Variants in SNTG2 observed in about 807,000 individuals in gnomAD.
The protein encoded by SNTG2 is syntrophin gamma 2.
SNTG2 carries 74 observed loss-of-function variants against 70.9 expected under a neutral mutation model. The ratio of observed to expected loss-of-function variants is 1.04; its 90% confidence interval spans 0.86 to 1.27. SNTG2 has a LOEUF of 1.27. Among genes scored for constraint, SNTG2 ranks in the 50% most tolerant of loss-of-function variants. The pLI is 0.00. For missense variants in SNTG2, 717 were observed against 690.7 expected, an observed-to-expected ratio of 1.04 and a Z score of -0.43; for synonymous variants, 278 against 273.8, an observed-to-expected ratio of 1.02 and a Z score of -0.15.
chr2:1,347,866 T>C (rs1318093944), intron 16 of SNTG2, among the ~76,000 whole-genome samples: 1 of 152,236 alleles, frequency 6.6e-6, no homozygotes, highest in East Asian at 1.9e-4. Context: ...TCACCCATCA[T>C]CTTCATGTTC....
At chr2:1,197,412 CAA>C (rs1672975052) in intron 8 of SNTG2, among the ~76,000 whole-genome samples, 1 of 149,116 alleles carries the variant, frequency 6.7e-6, no homozygotes. Flanking sequence ...ATCAATTCAT[CAA>C]AAGTCTATAA....
intron 1 of SNTG2, among the ~76,000 whole-genome samples, chr2:1,080,826 G>C (rs1487638446): frequency 6.6e-6 from 1 of 152,172 alleles, no homozygotes; most frequent in African/African-American, 2.4e-5. Flanking sequence ...GGTGGCATGA[G>C]AAAGGTCTGG....
Position 1,209,100 on chromosome 2 carries a change from CA to C in SNTG2, c.592-2del. 6.2e-7 allele frequency: 1 copy of C among 1,613,894 alleles called. No homozygotes were observed. Among genetic ancestry groups the C allele is most frequent in the Non-Finnish European group, 8.5e-7 (1 of 1,179,886 alleles). On this transcript the variant is annotated splice_acceptor_variant, in intron 8 of 16. Coordinates refer to ENST00000308624, the MANE Select transcript of SNTG2 (RefSeq NM_018968.4). LOFTEE classifies it high-confidence loss of function. ...ACGCTTCATTCTCCTTTCTTCTGTACAGGCCCCATCGTCACCTTCCTCGCCC... is the reference window on the plus strand; with the variant it reads ...ACGCTTCATTCTCCTTTCTTCTGTACGGCCCCATCGTCACCTTCCTCGCCC...
intron 15 of SNTG2, among the ~76,000 whole-genome samples, chr2:1,309,284 A>G (rs1418354189): frequency 6.6e-6 from 1 of 152,214 alleles, no homozygotes; most frequent in Non-Finnish European, 1.5e-5. Flanking sequence ...TCTCATGGTC[A>G]TTTCCTAACT....
chr2:1,320,054 G>GAAACACTTTCT (rs1397444129), intron 16 of SNTG2, among the ~76,000 whole-genome samples: 3 of 152,202 alleles, frequency 2.0e-5, no homozygotes, highest in Non-Finnish European at 4.4e-5. Context: ...CTAGTGAAAT[G>GAAACACTTTCT]AGTGGTAACC....
chr2:1,358,987 A>G (rs937939807), intron 16 of SNTG2, among the ~76,000 whole-genome samples: 4 of 152,006 alleles, frequency 2.6e-5, no homozygotes, highest in Non-Finnish European at 5.9e-5. Flanking sequence ...AGTTTTGTCA[A>G]TGTTTGTTTC....
chr2:1,259,448 A>G lies in SNTG2; in HGVS notation c.1077+7A>G. 3 of 1,612,568 alleles carry G rather than the reference A, an allele frequency of 1.9e-6. No homozygotes were observed. The highest frequency in any genetic ancestry group is 1.1e-5 in the South Asian group (1 of 91,014). On this transcript the variant is annotated splice_region_variant and intron_variant, in intron 13 of 16. Coordinates refer to ENST00000308624, the MANE Select transcript of SNTG2 (RefSeq NM_018968.4). Reference sequence around the variant, plus strand: ...GCTATTTAAAGTTCACAAGGTAGGTATCTTTTGCACTTCAGATGCTTTCAT... The same window carrying G: ...GCTATTTAAAGTTCACAAGGTAGGTGTCTTTTGCACTTCAGATGCTTTCAT...
intron 1 of SNTG2, among the ~76,000 whole-genome samples, chr2:992,628 A>T (rs1455443721): frequency 6.6e-6 from 1 of 152,198 alleles, no homozygotes; most frequent in Non-Finnish European, 1.5e-5. Flanking sequence ...TACAAGAGTG[A>T]GATTAGGACC....
At chr2:1,083,135 T>C (rs1258069552) in intron 1 of SNTG2, among the ~76,000 whole-genome samples, 3 of 150,768 alleles carry the variant, frequency 2.0e-5, no homozygotes, top group Admixed American at 6.7e-5. Flanking sequence ...ATTTTATGAA[T>C]CTTAAAAACT....
At position 1,308,968 on chromosome 2, in the gene SNTG2, G is replaced by A. The variant is rs143505864; in HGVS notation, c.1377+382G>A. ...GTGCCTGGGGGAATTTGTGGAGGGC[G>A]GATGCCAGGAATGTACAGCTGCCAT... On this transcript the variant is annotated intron_variant, in intron 15 of 16. Coordinates refer to ENST00000308624, the MANE Select transcript of SNTG2 (RefSeq NM_018968.4). 2.5e-3 allele frequency among the ~76,000 whole-genome samples: 384 copies of A among 152,274 alleles called. 1 individual carries two copies. Among genetic ancestry groups the A allele is most frequent in the African/African-American group, 8.5e-3 (352 of 41,530 alleles).
chr2:1,290,907 G>A (rs1679964382), intron 14 of SNTG2, among the ~76,000 whole-genome samples: 1 of 152,160 alleles, frequency 6.6e-6, no homozygotes, highest in Admixed American at 6.5e-5. Context: ...AAATTATAAG[G>A]AGTTACTGTA....
chr2:1,028,374 A>G (rs1660613950), intron 1 of SNTG2, among the ~76,000 whole-genome samples: 1 of 152,266 alleles, frequency 6.6e-6, no homozygotes, highest in Admixed American at 6.5e-5. Flanking sequence ...ACGCTTACTG[A>G]ACCTTTAGAA....
chr2:1,059,372 A>AAT (rs1558352090), intron 1 of SNTG2: 1 of 151,186 alleles, frequency 6.6e-6, no homozygotes. Flanking sequence ...AAAAAAAAAA[A>AAT]AATAATAATA....
chr2:1,048,911 T>C (rs905315037), intron 1 of SNTG2, among the ~76,000 whole-genome samples: 1 of 152,242 alleles, frequency 6.6e-6, no homozygotes, highest in Non-Finnish European at 1.5e-5. Context: ...TTGCATTCTC[T>C]GCTGATTAAA....
chr2:1,149,878 C>G (rs71339718), intron 6 of SNTG2, among the ~76,000 whole-genome samples: 1 of 150,742 alleles, frequency 6.6e-6, no homozygotes, highest in Non-Finnish European at 1.5e-5. Context: ...TTAGTAGAGA[C>G]GGGGTTTCAC....
chr2:1,267,024 G>T (rs892689976), intron 13 of SNTG2, among the ~76,000 whole-genome samples: 3 of 152,126 alleles, frequency 2.0e-5, no homozygotes, highest in Non-Finnish European at 4.4e-5. Flanking sequence ...ACCCACCTTA[G>T]TCTCCCAAAG....
chr2:1,223,922 G>A (rs1675564237), intron 9 of SNTG2, among the ~76,000 whole-genome samples: 1 of 139,178 alleles, frequency 7.2e-6, no homozygotes, highest in Admixed American at 7.1e-5. Flanking sequence ...GAGCTCTGGA[G>A]GCCGTAGCCC....
chr2:1,080,899 C>T (rs1200230982), intron 1 of SNTG2, among the ~76,000 whole-genome samples: 3 of 152,136 alleles, frequency 2.0e-5, no homozygotes, highest in Non-Finnish European at 2.9e-5. Context: ...TAAGGACATA[C>T]TTCTGAGCTC....
intron 8 of SNTG2, among the ~76,000 whole-genome samples, chr2:1,181,741 T>A (rs572163409): frequency 6.6e-5 from 10 of 152,330 alleles, no homozygotes; most frequent in African/African-American, 2.2e-4. Context: ...TTCTCATTTC[T>A]TTTTCTTCTG....
Sources: gnomAD v4.1 joint callset for allele counts (sites outside exome capture counted in the v4.1 genomes callset) on GRCh38, gnomAD v4.1.1 for gene constraint, MANE v1.5 for transcripts, NCBI Gene and HGNC (gene_info 2026-07-23, HGNC 2026-07-21) for gene names.